Variants in RBM26 observed in about 807,000 individuals in gnomAD.
RBM26 encodes the protein RNA-binding protein 26.
A neutral mutation model predicts 123.6 loss-of-function variants in RBM26; 30 were observed. That is an observed-to-expected ratio of 0.24 (90% CI 0.18 to 0.33). The LOEUF (loss-of-function observed/expected upper bound fraction) is 0.33, where lower values mean the gene tolerates loss of function less well. RBM26 is among the 10% of genes least tolerant of loss of function. The probability of loss-of-function intolerance (pLI) is 1.00; values close to 1 mark genes in which losing one functional copy is unlikely to be tolerated. For missense variants in RBM26, 947 were observed against 1,203.6 expected, an observed-to-expected ratio of 0.79 and a Z score of 3.15; for synonymous variants, 400 against 404.4, an observed-to-expected ratio of 0.99 and a Z score of 0.13.
chr13:79,395,063 G>C (rs890350030), intron 1 of RBM26, among the ~76,000 whole-genome samples: 5 of 152,026 alleles, frequency 3.3e-5, no homozygotes, highest in Non-Finnish European at 7.4e-5. Flanking sequence ...CACTCAAGTG[G>C]CCTAACAAAA....
At chr13:79,389,848 A>G (rs2077792822) in intron 1 of RBM26, among the ~76,000 whole-genome samples, 1 of 152,212 alleles carries the variant, frequency 6.6e-6, no homozygotes, top group Non-Finnish European at 1.5e-5. Context: ...ATCATAAATA[A>G]AGCACTATTT....
chr13:79,318,853 C>T, downstream of RBM26: 1 of 976,574 alleles, frequency 1.0e-6, no homozygotes. Flanking sequence ...ACGTGAGCCT[C>T]TGCCAATTTG....
downstream of RBM26, chr13:79,314,833 G>T: frequency 2.3e-6 from 1 of 438,132 alleles, no homozygotes; most frequent in Non-Finnish European, 4.1e-6. Context: ...GAACTGTAGA[G>T]ATAAAATGCT....
chr13:79,377,328 A>T (rs1233261461), intron 3 of RBM26, 51 bp downstream of exon 3: 2 of 1,516,034 alleles, frequency 1.3e-6, no homozygotes, highest in Non-Finnish European at 1.8e-6. Context: ...CAGTTTGGTT[A>T]TTCCTCTTAT....
intron 1 of RBM26, among the ~76,000 whole-genome samples, chr13:79,389,003 T>G (rs1297966131): frequency 2.6e-5 from 4 of 152,186 alleles, no homozygotes; most frequent in Admixed American, 6.5e-5. Flanking sequence ...CTATAATCAT[T>G]CAAACACTTT....
rs979116734 is a variant in RBM26 at position 79,325,146 on chromosome 13, A to C, written c.2821-2684T>G. 2.0e-5 allele frequency among the ~76,000 whole-genome samples: 3 copies of C among 152,182 alleles called. No homozygotes were observed. The South Asian group carries it at 6.2e-4, about 31-fold the overall frequency. Reference sequence around the variant, plus strand: ...AGTCATATAAAAGTATGGCACGCACAATTATGTACAGCATAATACTTGAAT... The same window carrying C: ...AGTCATATAAAAGTATGGCACGCACCATTATGTACAGCATAATACTTGAAT... On this transcript the variant is annotated intron_variant, in intron 20 of 21. Transcript: ENST00000438737.
chr13:79,385,428 C>T (rs1226320059), intron 1 of RBM26, among the ~76,000 whole-genome samples: 4 of 152,158 alleles, frequency 2.6e-5, no homozygotes, highest in Admixed American at 6.5e-5. Context: ...ATTAATACTT[C>T]TTCATCACTG....
intron 14 of RBM26, among the ~76,000 whole-genome samples, chr13:79,352,462 TAAACAA>T (rs1370497797): frequency 1.0e-5 from 1 of 98,878 alleles, no homozygotes; most frequent in East Asian, 2.5e-4. Flanking sequence ...TACTCATACC[TAAACAA>T]AAAAAAAAAA....
rs559566750 is a variant in RBM26, at chr13:79,352,772, C to T, written c.2058+381G>A. Among the ~76,000 whole-genome samples, 272 of 152,256 alleles carry T rather than the reference C, an allele frequency of 1.8e-3. 1 individual carries two copies. The highest frequency in any genetic ancestry group is 6.2e-3 in the African/African-American group (259 of 41,574). ...CAGAAAAATTAAGAACACTGCCCAACGTCATGCAGTTAGTAAGTGAAGAGC... is the reference window on the plus strand; with the variant it reads ...CAGAAAAATTAAGAACACTGCCCAATGTCATGCAGTTAGTAAGTGAAGAGC... On this transcript the variant is annotated intron_variant, in intron 14 of 21. Transcript: ENST00000438737.
chr13:79,340,230 C>T (rs2071141413), intron 18 of RBM26, among the ~76,000 whole-genome samples: 1 of 151,774 alleles, frequency 6.6e-6, no homozygotes, highest in Non-Finnish European at 1.5e-5. Flanking sequence ...CCAGAGAATG[C>T]AAAGGTATGA....
chr13:79,359,057 C>T (rs2074355331), intron 10 of RBM26, among the ~76,000 whole-genome samples: 1 of 152,102 alleles, frequency 6.6e-6, no homozygotes, highest in Admixed American at 6.5e-5. Context: ...AGTCTCTCTT[C>T]ACAGATTTAT....
intron 14 of RBM26, among the ~76,000 whole-genome samples, chr13:79,350,401 C>A (rs1276296816): frequency 6.6e-6 from 1 of 152,170 alleles, no homozygotes; most frequent in Non-Finnish European, 1.5e-5. Context: ...AAAAAACTAA[C>A]CAGGACAGTA....
At chr13:79,327,140 AC>A (rs1309888313) in intron 20 of RBM26, among the ~76,000 whole-genome samples, 6 of 151,932 alleles carry the variant, frequency 3.9e-5, no homozygotes, top group Admixed American at 3.9e-4. Flanking sequence ...TACAAAAAAT[AC>A]AAAAATTAGC....
chr13:79,329,172 C>A (rs2068900012), intron 20 of RBM26, among the ~76,000 whole-genome samples: 1 of 151,954 alleles, frequency 6.6e-6, no homozygotes, highest in African/African-American at 2.4e-5. Flanking sequence ...ACCATAGAGT[C>A]TAGAATTAAC....
At chr13:79,322,932 T>A (rs1254611213) in intron 20 of RBM26, among the ~76,000 whole-genome samples, 1 of 151,462 alleles carries the variant, frequency 6.6e-6, no homozygotes, top group African/African-American at 2.4e-5. Flanking sequence ...ATATAATTAT[T>A]AATCTTTAAT....
chr13:79,356,846 G>A (rs2182873), intron 11 of RBM26, among the ~76,000 whole-genome samples: 76,720 of 151,866 alleles, frequency 0.51, 19,768 homozygotes, highest in Middle Eastern at 0.6. Flanking sequence ...CAATAGTGAG[G>A]TATGTTTTGC....
rs573190983 is a variant in RBM26 at position 79,347,657 on chromosome 13, CACTT to C, written c.2059-2867_2059-2864del. On this transcript the variant is annotated intron_variant, in intron 14 of 21. Transcript: ENST00000438737. ...ATATTTACTTCTATACATCTTACTA[CACTT>C]ACTTAATCCCAACTGTGTGAATTAT... 9.2e-5 allele frequency among the ~76,000 whole-genome samples: 14 copies of C among 152,118 alleles called. 1 individual carries two copies. In the South Asian group the frequency reaches 1.4e-3, roughly 16 times the overall value.
At chr13:79,365,971 A>T in intron 8 of RBM26, 84 bp downstream of exon 8, 1 of 1,346,972 alleles carries the variant, frequency 7.4e-7, no homozygotes, top group Non-Finnish European at 1.0e-6. Flanking sequence ...AGTAGTCCTC[A>T]CAGAGCAATT....
rs771539786 is a variant in RBM26, at chr13:79,354,420, C to T, written c.1986+19G>A. ...ACTGAGAACCTATTACGGGCACAAT[C>T]GTAAGACCTTTGCTTTACCTGAGGA... On this transcript the variant is annotated intron_variant, in intron 13 of 21. Transcript: ENST00000438737. The T allele has an allele frequency of 2.6e-5, 39 of 1,528,728 alleles. No individual in the cohort carries two copies. The highest frequency in any genetic ancestry group is 5.3e-5 in the South Asian group (4 of 75,762). 94.7% of individuals were successfully genotyped at this position (1,528,728 alleles called of 1,614,324 possible). A position where few individuals can be genotyped will look rare whatever the true frequency, so the allele number is the denominator to read the frequency against.
Sources: gnomAD v4.1 joint callset for allele counts (sites outside exome capture counted in the v4.1 genomes callset) on GRCh38, gnomAD v4.1.1 for gene constraint, MANE v1.5 for transcripts, NCBI Gene and HGNC (gene_info 2026-07-23, HGNC 2026-07-21) for gene names.